The following TASOR2 variants were observed in gnomAD, a reference collection of about 807,000 sequenced individuals.
The protein encoded by TASOR2 is transcription activation suppressor family member 2.
A neutral mutation model predicts 199.5 loss-of-function variants in TASOR2; 84 were observed. That is an observed-to-expected ratio of 0.42 (90% CI 0.35 to 0.50). TASOR2 has a LOEUF of 0.50. Among genes scored for constraint, TASOR2 ranks in the 20% least tolerant of loss-of-function variants. TASOR2 has a pLI of 0.02. For synonymous variants in TASOR2, 1,103 were observed against 1,046.6 expected, an observed-to-expected ratio of 1.05 and a Z score of -1.04; for missense variants, 2,796 against 2,835.9, an observed-to-expected ratio of 0.99 and a Z score of 0.32.
chr10:5,717,710 A>G lies in TASOR2; in HGVS notation c.-140A>G, dbSNP rs1046597116. ...TGTCTTCATTCAAGACCATGGTATC[A>G]TGGGAAATCTGGTTATGTTGTAATT... is the stretch of plus-strand genomic sequence containing the variant. On this transcript the variant is annotated 5_prime_UTR_variant, in exon 3 of 21. The change abolishes an upstream ATG in the 5' untranslated region. Coordinates refer to ENST00000328090, the Ensembl canonical transcript of TASOR2. 42 of 1,225,202 alleles carry G rather than the reference A, an allele frequency of 3.4e-5. No individual in the cohort carries two copies. Among genetic ancestry groups the G allele is most frequent in the Admixed American group, 4.2e-5 (1 of 23,690 alleles). The allele number at this position is 1,225,202 out of a possible 1,614,324, so 75.9% of individuals were successfully genotyped here. A position where few individuals can be genotyped will look rare whatever the true frequency, so the allele number is the denominator to read the frequency against.
At chr10:5,741,849 G>A (rs2131615865) in intron 13 of TASOR2, among the ~76,000 whole-genome samples, 1 of 152,296 alleles carries the variant, frequency 6.6e-6, no homozygotes, top group South Asian at 2.1e-4. Flanking sequence ...TGCCATACAG[G>A]TTTTGTGATT....
rs1836311201 is a variant in TASOR2 at position 5,740,834 on chromosome 10, A to C, written c.2327+337A>C. ...TAAAATAGTGTGAGATTTAGAAATA[A>C]TGCTTTACAGACTGAATTCCAGAAG... On this transcript the variant is annotated intron_variant, in intron 13 of 20. Coordinates refer to ENST00000328090, the Ensembl canonical transcript of TASOR2. The surrounding 1 kb of genome is among the most constrained non-coding windows in gnomAD (Gnocchi z 5.3). 6.6e-6 allele frequency among the ~76,000 whole-genome samples: 1 copy of C among 152,252 alleles called. No homozygotes were observed. Among genetic ancestry groups the C allele is most frequent in the Admixed American group, 6.5e-5 (1 of 15,292 alleles).
chr10:5,688,691 C>T (rs1467311393), intron 1 of TASOR2, among the ~76,000 whole-genome samples: 1 of 152,146 alleles, frequency 6.6e-6, no homozygotes, highest in Non-Finnish European at 1.5e-5. Context: ...AGCTCTTTCA[C>T]ATGACACATT....
chr10:5,761,560 G>T, intron 19 of TASOR2, 89 bp downstream of exon 20: 5 of 1,155,166 alleles, frequency 4.3e-6, no homozygotes, highest in Non-Finnish European at 6.2e-6. Flanking sequence ...AGAGTATCAG[G>T]TATCTAAATG....
At chr10:5,758,219 G>C (rs1839253125) in intron 17 of TASOR2, among the ~76,000 whole-genome samples, 1 of 152,118 alleles carries the variant, frequency 6.6e-6, no homozygotes, top group Non-Finnish European at 1.5e-5. Flanking sequence ...AAAGCAGCAT[G>C]TACCTTAACC....
At chr10:5,705,391 A>G (rs1252887638) in intron 1 of TASOR2, among the ~76,000 whole-genome samples, 1 of 152,142 alleles carries the variant, frequency 6.6e-6, no homozygotes, top group Non-Finnish European at 1.5e-5. Context: ...TCACCTATTG[A>G]TGAATATTGG....
At position 5,701,591 on chromosome 10, in the gene TASOR2, G is replaced by A. The variant is rs1837856548; in HGVS notation, c.-287-11232G>A. Reference sequence around the variant, plus strand: ...CAATATGAATTCTTCCAGTCCCTGAGCATAGAGTATCTTTCTATTTTTTAA... The same window carrying A: ...CAATATGAATTCTTCCAGTCCCTGAACATAGAGTATCTTTCTATTTTTTAA... On this transcript the variant is annotated intron_variant, in intron 1 of 20. Coordinates refer to ENST00000328090, the Ensembl canonical transcript of TASOR2. The surrounding 1 kb of genome is among the most constrained non-coding windows in gnomAD (Gnocchi z 4.9). Among the ~76,000 whole-genome samples the A allele has an allele frequency of 6.6e-6, 1 of 152,114 alleles. No individual in the cohort carries two copies. The highest frequency in any genetic ancestry group is 1.9e-4 in the East Asian group (1 of 5,196).
rs982194508 is a variant in TASOR2 at position 5,712,332 on chromosome 10, C to T, written c.-287-491C>T. On this transcript the variant is annotated intron_variant, in intron 1 of 20. Coordinates refer to ENST00000328090, the Ensembl canonical transcript of TASOR2. ...ATGTTTTGAGTGATATTCAGTGTGTCTCCCTTAACCCCATCCTTTGGAATC... is the reference window on the plus strand; with the variant it reads ...ATGTTTTGAGTGATATTCAGTGTGTTTCCCTTAACCCCATCCTTTGGAATC... The T allele has an allele frequency of 1.1e-5, 13 of 1,154,320 alleles. No individual in the cohort carries two copies. In the Admixed American group the frequency reaches 1.7e-4, roughly 15 times the overall value. 71.5% of individuals were successfully genotyped at this position (1,154,320 alleles called of 1,614,324 possible).
rs752427628 is a variant in TASOR2 at position 5,747,799 on chromosome 10, C to T, written c.4378C>T (p.His1460Tyr). The T allele has an allele frequency of 2.5e-6, 4 of 1,613,750 alleles. No homozygotes were observed. In the African/African-American group the frequency reaches 4.0e-5, roughly 16 times the overall value. Residue 1460 changes from histidine to tyrosine, a missense_variant, in exon 15 of 21, where the codon CAT becomes TAT. Physicochemically the swap from His to Tyr is moderately conservative, Grantham distance 83. Around this residue, in one of 3 missense-constraint regions of TASOR2, gnomAD observed 1,941 missense variants for 1,924.9 expected, o/e 1.01. Transcript: ENST00000328090. ...AGAAAATGTTTTTGTTGGTCCTACCCATCCAGTGGGGCAAGATAACTTTAC... is the reference window on the plus strand; with the variant it reads ...AGAAAATGTTTTTGTTGGTCCTACCTATCCAGTGGGGCAAGATAACTTTAC...
At chr10:5,731,636 A>G (rs1834829924) in intron 11 of TASOR2, among the ~76,000 whole-genome samples, 1 of 152,232 alleles carries the variant, frequency 6.6e-6, no homozygotes, top group African/African-American at 2.4e-5. Context: ...ATTTCTCTCC[A>G]GGCAATTTGT....
At chr10:5,743,882 T>A (rs1363043427) in intron 14 of TASOR2, 1 of 118,740 alleles carries the variant, frequency 8.4e-6, no homozygotes, top group Non-Finnish European at 1.7e-5. Context: ...TGTTGAATGC[T>A]GTGCCTGTAC....
At chr10:5,755,946 C>T (rs1474956272) in intron 15 of TASOR2, among the ~76,000 whole-genome samples, 2 of 151,334 alleles carry the variant, frequency 1.3e-5, no homozygotes, top group Non-Finnish European at 2.9e-5. Flanking sequence ...GAGCTATGTT[C>T]GTTTCACTTT....
At position 5,685,020 on chromosome 10, in the gene TASOR2, G is replaced by C. The variant is rs1002272325; in HGVS notation, c.-443G>C. The C allele has an allele frequency of 2.5e-6, 1 of 397,662 alleles. No homozygotes were observed. The highest frequency in any genetic ancestry group is 4.4e-6 in the Non-Finnish European group (1 of 225,470). The allele number at this position is 397,662 out of a possible 1,614,324, so 24.6% of individuals were successfully genotyped here. On this transcript the variant is annotated 5_prime_UTR_variant, in exon 1 of 21. Coordinates refer to ENST00000328090, the Ensembl canonical transcript of TASOR2. The surrounding 1 kb of genome is among the most constrained non-coding windows in gnomAD (Gnocchi z 5.4). ...GGGCGGACGGCGTGCCCCTGAGGGGGGTCCCCGCGGGAGCGCGGAGCCGGC... is the reference window on the plus strand; with the variant it reads ...GGGCGGACGGCGTGCCCCTGAGGGGCGTCCCCGCGGGAGCGCGGAGCCGGC...
chr10:5,738,406 A>G lies in TASOR2; in HGVS notation c.1448-1212A>G, dbSNP rs12269580. 9.8e-3 allele frequency among the ~76,000 whole-genome samples: 1,499 copies of G among 152,362 alleles called. 29 individuals carry two copies. The highest frequency in any genetic ancestry group is 0.034 in the African/African-American group (1,415 of 41,578). Reference sequence around the variant, plus strand: ...TGTAAGGGATAAGTAGATGGAGGCCATAATATTAACAAAGAATGAAATTAG... The same window carrying G: ...TGTAAGGGATAAGTAGATGGAGGCCGTAATATTAACAAAGAATGAAATTAG... On this transcript the variant is annotated intron_variant, in intron 12 of 20. Coordinates refer to ENST00000328090, the Ensembl canonical transcript of TASOR2. The surrounding 1 kb of genome is among the most constrained non-coding windows in gnomAD (Gnocchi z 4.7).
intron 12 of TASOR2, among the ~76,000 whole-genome samples, 180 bp from the exon 14 acceptor site, chr10:5,739,438 T>C (rs1168027153): frequency 1.3e-5 from 2 of 152,238 alleles, no homozygotes; most frequent in African/African-American, 4.8e-5. Flanking sequence ...ATGCAATATG[T>C]ATAACATAAG....
chr10:5,740,032 T>A lies in TASOR2; in HGVS notation c.1862T>A (p.Val621Asp), dbSNP rs1267823881. The change falls in exon 13 of 21, where the codon GTT becomes GAT. Residue 621 changes from valine to aspartate, a missense_variant. Transcript: ENST00000328090. This position sits in a 1 kb window ranked among gnomAD's most constrained non-coding sequence, Gnocchi z 5.3. ...GTTAGCCAAGATGAAGAAAGCTTGG[T>A]TCCTTGTAGTCAGGCCCCTGCTAAA... 1 of 1,614,078 alleles carries A rather than the reference T, an allele frequency of 6.2e-7. No individual in the cohort carries two copies. Among genetic ancestry groups the A allele is most frequent in the East Asian group, 2.2e-5 (1 of 44,888 alleles).
Position 5,740,001 on chromosome 10 carries a change from T to A in TASOR2, c.1831T>A (p.Leu611Ile). 6.2e-7 allele frequency: 1 copy of A among 1,614,128 alleles called. No individual in the cohort carries two copies. The highest frequency in any genetic ancestry group is 1.1e-5 in the South Asian group (1 of 91,090). Reference sequence around the variant, plus strand: ...TAGGAAGAGTAATTCTGGATCAGACTTAACAGTTAGCCAAGATGAAGAAAG... The same window carrying A: ...TAGGAAGAGTAATTCTGGATCAGACATAACAGTTAGCCAAGATGAAGAAAG... Residue 611 changes from leucine to isoleucine, a missense_variant, in exon 13 of 21, where the codon TTA becomes ATA. Leu to Ile is a conservative substitution (Grantham distance 5, BLOSUM62 2). Coordinates refer to ENST00000328090, the Ensembl canonical transcript of TASOR2. This position sits in a 1 kb window ranked among gnomAD's most constrained non-coding sequence, Gnocchi z 5.3.
chr10:5,749,107 G>C (rs1204682395), exon 15 of TASOR2: 3 of 1,613,772 alleles, frequency 1.9e-6, no homozygotes, highest in Non-Finnish European at 2.5e-6. Context: ...CCTCCCTCCC[G>C]GGCACTGGAC....
chr10:5,749,971 A>G, exon 15 of TASOR2: 1 of 1,613,882 alleles, frequency 6.2e-7, no homozygotes. Context: ...TTGTAAAAGT[A>G]CCTTCCTGTT....
Sources: gnomAD v4.1 joint callset for allele counts (sites outside exome capture counted in the v4.1 genomes callset) on GRCh38, gnomAD v4.1.1 for gene constraint, gnomAD v4.1.1 regional missense constraint, Gnocchi (gnomAD v3.1) non-coding constraint, MANE v1.5 for transcripts, NCBI Gene and HGNC (gene_info 2026-07-23, HGNC 2026-07-21) for gene names.